The following ZMYM2 variants were observed in gnomAD, a reference collection of about 807,000 sequenced individuals.
ZMYM2 encodes zinc finger MYM-type protein 2.
Under a neutral mutation model 162.8 loss-of-function variants are expected in ZMYM2, and 56 were observed. The observed-to-expected ratio is 0.34, with a 90% CI of 0.28 to 0.43. The LOEUF (loss-of-function observed/expected upper bound fraction) is 0.43. ZMYM2 is among the 20% of genes least tolerant of loss of function. The probability of loss-of-function intolerance (pLI) is 1.00; values close to 1 mark genes in which losing one functional copy is unlikely to be tolerated. For synonymous variants in ZMYM2, 510 were observed against 541.6 expected (o/e 0.94, Z 0.81); for missense variants, 1,275 against 1,621.8 (o/e 0.79, Z 3.67).
At chr13:20,025,811 A>G (rs1338931891) in intron 7 of ZMYM2, 2 of 152,316 alleles carry the variant, frequency 1.3e-5, no homozygotes, top group African/African-American at 2.4e-5. Flanking sequence ...CCTGTACAGC[A>G]TGTTACTGTA....
chr13:19,958,589 G>A (rs1415426392), upstream of ZMYM2: 2 of 152,052 alleles, frequency 1.3e-5, no homozygotes, highest in Admixed American at 6.6e-5. Context: ...CCACCCTACC[G>A]AGGGGGGGCC....
Position 20,086,786 on chromosome 13 carries a change from T to TAC in ZMYM2, c.*773_*774insCA, listed in dbSNP as rs1958296475. On this transcript the variant is annotated 3_prime_UTR_variant, in exon 25 of 25. Coordinates refer to ENST00000610343, the MANE Select transcript of ZMYM2 (RefSeq NM_197968.4). ...ATGTGTGTGTGTATATATATATATA[T>TAC]ATATATATATATAAATGATTGTAAG... 1 of 150,042 alleles carries TAC rather than the reference T, an allele frequency of 6.7e-6. No individual in the cohort carries two copies. Among genetic ancestry groups the TAC allele is most frequent in the Non-Finnish European group, 1.5e-5 (1 of 68,578 alleles). 9.3% of individuals were successfully genotyped at this position (150,042 alleles called of 1,614,324 possible). A position where few individuals can be genotyped will look rare whatever the true frequency, so the allele number is the denominator to read the frequency against.
intron 2 of ZMYM2, among the ~76,000 whole-genome samples, chr13:19,966,581 A>G (rs533473838): frequency 1.7e-4 from 25 of 150,692 alleles, no homozygotes; most frequent in African/African-American, 5.9e-4. Flanking sequence ...AGCTGGGATT[A>G]CAGGCATGTG....
chr13:19,992,922 A>G, intron 2 of ZMYM2, 141 bp from the exon 3 acceptor site: 1 of 949,176 alleles, frequency 1.1e-6, no homozygotes, highest in Admixed American at 3.5e-5. Context: ...TGGATATCAC[A>G]TATTTTCCTG....
intron 2 of ZMYM2, among the ~76,000 whole-genome samples, chr13:19,984,545 C>CA (rs1418685674): frequency 6.6e-6 from 1 of 152,124 alleles, no homozygotes; most frequent in African/African-American, 2.4e-5. Flanking sequence ...AATGGAAACT[C>CA]AGATAAGTTA....
the ZMYM2 span, among the ~76,000 whole-genome samples, chr13:19,870,720 G>A: frequency 5.3e-5 from 8 of 151,728 alleles, no homozygotes; most frequent in South Asian, 2.1e-4. Flanking sequence ...TCTGCCACCC[G>A]GGTTCAAGCG....
intron 12 of ZMYM2, among the ~76,000 whole-genome samples, chr13:20,043,995 T>C (rs1259192733): frequency 6.6e-6 from 1 of 152,062 alleles, no homozygotes; most frequent in African/African-American, 2.4e-5. Flanking sequence ...GCAGGTACTT[T>C]CACACTGGGA....
intron 2 of ZMYM2, among the ~76,000 whole-genome samples, chr13:19,979,294 C>G (rs955602684): frequency 1.3e-5 from 2 of 152,194 alleles, no homozygotes; most frequent in Non-Finnish European, 2.9e-5. Context: ...TTATCATCAT[C>G]ATATTAGGGC....
At chr13:19,975,693 A>G (rs1420168950) in intron 2 of ZMYM2, among the ~76,000 whole-genome samples, 1 of 152,336 alleles carries the variant, frequency 6.6e-6, no homozygotes, top group Non-Finnish European at 1.5e-5. Context: ...CTCACAATGA[A>G]ATTGATGGGT....
At chr13:19,902,418 A>C in the ZMYM2 span, among the ~76,000 whole-genome samples, 1 of 152,098 alleles carries the variant, frequency 6.6e-6, no homozygotes, top group Admixed American at 6.6e-5. Flanking sequence ...GGAGTTCGAG[A>C]CCAGCCTGAC....
the ZMYM2 span, among the ~76,000 whole-genome samples, chr13:19,898,137 A>G: frequency 6.6e-6 from 1 of 152,240 alleles, no homozygotes; most frequent in Admixed American, 6.5e-5. Flanking sequence ...TAGAAATCAT[A>G]CAAAGTATTT....
chr13:20,081,733 C>CT lies in ZMYM2; in HGVS notation c.3454-273dup, dbSNP rs530664139. 5.8e-3 allele frequency among the ~76,000 whole-genome samples: 859 copies of CT among 149,088 alleles called. 4 individuals carry two copies. The highest frequency in any genetic ancestry group is 8.8e-3 in the Admixed American group (132 of 14,948). On this transcript the variant is annotated intron_variant, in intron 21 of 24. Coordinates refer to ENST00000610343, the MANE Select transcript of ZMYM2 (RefSeq NM_197968.4). ...ATAATAAACACGGGAGTCAAATATT[C>CT]TTTTTTTTTTCTGTCTGACAGACTG...
the ZMYM2 span, among the ~76,000 whole-genome samples, chr13:19,906,304 A>ATATATATAT: frequency 8.1e-6 from 1 of 122,950 alleles, no homozygotes; most frequent in Non-Finnish European, 1.7e-5. Flanking sequence ...ATATATATAT[A>ATATATATAT]TATATATATA....
At chr13:19,881,802 C>T in the ZMYM2 span, among the ~76,000 whole-genome samples, 2 of 151,330 alleles carry the variant, frequency 1.3e-5, no homozygotes, top group Admixed American at 6.6e-5. Flanking sequence ...CTGGCCACCA[C>T]GGTGAAACCC....
chr13:19,892,343 C>T, the ZMYM2 span, among the ~76,000 whole-genome samples: 12 of 152,008 alleles, frequency 7.9e-5, no homozygotes, highest in African/African-American at 2.9e-4. Flanking sequence ...GCAATCTCGG[C>T]TCACTGCAAG....
At chr13:19,980,880 A>G (rs1003054160) in intron 2 of ZMYM2, among the ~76,000 whole-genome samples, 1 of 152,038 alleles carries the variant, frequency 6.6e-6, no homozygotes, top group Non-Finnish European at 1.5e-5. Flanking sequence ...AAGTTTGCAG[A>G]TAATTTAGGG....
chr13:20,081,072 T>C (rs1313160558), intron 21 of ZMYM2, among the ~76,000 whole-genome samples: 2 of 152,220 alleles, frequency 1.3e-5, no homozygotes, highest in Non-Finnish European at 2.9e-5. Context: ...AAATCTGTTA[T>C]CCTTCTGGTT....
At chr13:20,020,516 G>T (rs961707732) in intron 7 of ZMYM2, among the ~76,000 whole-genome samples, 3 of 152,064 alleles carry the variant, frequency 2.0e-5, no homozygotes, top group Non-Finnish European at 4.4e-5. Flanking sequence ...GAGCCACCGC[G>T]CCCGGCCCAT....
chr13:20,063,949 AAT>A (rs1205012789), intron 18 of ZMYM2, among the ~76,000 whole-genome samples: 2 of 145,562 alleles, frequency 1.4e-5, no homozygotes, highest in Admixed American at 7.0e-5. Flanking sequence ...TTATATATAT[AAT>A]ATATATAGTT....
Sources: gnomAD v4.1 joint callset for allele counts (sites outside exome capture counted in the v4.1 genomes callset) on GRCh38, gnomAD v4.1.1 for gene constraint, MANE v1.5 for transcripts, NCBI Gene and HGNC (gene_info 2026-07-23, HGNC 2026-07-21) for gene names.